PEBP4: variants seen among roughly 807,000 people sequenced by gnomAD.
PEBP4 encodes phosphatidylethanolamine binding protein 4.
A neutral mutation model predicts 23.9 loss-of-function variants in PEBP4; 22 were observed. The observed-to-expected ratio is 0.92, with a 90% CI of 0.66 to 1.31. The LOEUF is 1.31. Ranked by LOEUF, PEBP4 falls within the 40% of genes most tolerant of loss-of-function variation. PEBP4 has a pLI of 0.00. For synonymous variants in PEBP4, 112 were observed against 99.3 expected (o/e 1.13, Z -0.76); for missense variants, 324 against 281.7 (o/e 1.15, Z -1.07).
intron 4 of PEBP4, among the ~76,000 whole-genome samples, chr8:22,737,837 A>G (rs1804900537): frequency 6.6e-6 from 1 of 152,190 alleles, no homozygotes; most frequent in African/African-American, 2.4e-5. Flanking sequence ...GTGAAGGTGC[A>G]ATTAGGAAAT....
chr8:22,911,867 C>T (rs1216542071), intron 3 of PEBP4, among the ~76,000 whole-genome samples: 1 of 152,214 alleles, frequency 6.6e-6, no homozygotes, highest in Admixed American at 6.5e-5. Context: ...TCAGCGCACA[C>T]AGTTTTTTTC....
chr8:22,835,809 G>T (rs556250203), intron 3 of PEBP4, among the ~76,000 whole-genome samples: 3 of 152,188 alleles, frequency 2.0e-5, no homozygotes, highest in South Asian at 2.1e-4. Flanking sequence ...TCCTGCTTGC[G>T]CATGGCAACC....
intron 5 of PEBP4, among the ~76,000 whole-genome samples, chr8:22,726,468 T>G (rs533330577): frequency 6.6e-6 from 1 of 152,240 alleles, no homozygotes; most frequent in Non-Finnish European, 1.5e-5. Flanking sequence ...TCAAGGGAGA[T>G]AGAGACTAAT....
At position 22,926,946 on chromosome 8, in the gene PEBP4, C is replaced by T. The variant is rs570304003; in HGVS notation, c.131+638G>A. ...GGCCTGGGGAGTCCTCAGGATGACC[C>T]ACAAGTCCACACAAATGAAGGCTTG... On this transcript the variant is annotated intron_variant, in intron 2 of 6. Coordinates refer to ENST00000256404, the MANE Select transcript of PEBP4 (RefSeq NM_144962.3). Among the ~76,000 whole-genome samples, 5 of 152,186 alleles carry T rather than the reference C, an allele frequency of 3.3e-5. No individual in the cohort carries two copies. In the East Asian group the frequency reaches 7.7e-4, roughly 24 times the overall value.
At chr8:22,904,390 C>A (rs189137585) in intron 3 of PEBP4, among the ~76,000 whole-genome samples, 49 of 152,328 alleles carry the variant, frequency 3.2e-4, no homozygotes, top group African/African-American at 1.1e-3. Flanking sequence ...CAGCATTAAC[C>A]CTGCAGGGCA....
At position 22,748,864 on chromosome 8, in the gene PEBP4, G is replaced by A. The variant is rs73671276; in HGVS notation, c.358-21644C>T. On this transcript the variant is annotated intron_variant, in intron 4 of 6. Transcript: ENST00000256404. ...CACGAGTCCTGGATGATTTAGGTGC[G>A]GACTTGCCTGGGGGAAGGGTGTTGG... 4.3e-3 allele frequency among the ~76,000 whole-genome samples: 658 copies of A among 152,270 alleles called. 4 individuals are homozygous for A. The highest frequency in any genetic ancestry group is 0.015 in the African/African-American group (635 of 41,554).
chr8:22,888,136 T>C (rs967023569), intron 3 of PEBP4: 2 of 151,238 alleles, frequency 1.3e-5, no homozygotes, highest in African/African-American at 4.9e-5. Context: ...CCTAGGATGT[T>C]TGGCCAACCC....
chr8:22,857,867 AGAG>A (rs1471481101), intron 3 of PEBP4, among the ~76,000 whole-genome samples: 4 of 152,180 alleles, frequency 2.6e-5, no homozygotes, highest in African/African-American at 9.6e-5. Context: ...ATGGGGAGCA[AGAG>A]GAGAGCTGTC....
At chr8:22,724,813 G>A (rs768632029) in intron 6 of PEBP4, 30 bp downstream of exon 6, 59 of 1,546,672 alleles carry the variant, frequency 3.8e-5, no homozygotes, top group East Asian at 2.7e-4. Context: ...ATTCACCCCG[G>A]TGGTGGCTGG....
At chr8:22,896,614 G>T (rs1006335951) in intron 3 of PEBP4, among the ~76,000 whole-genome samples, 1 of 152,086 alleles carries the variant, frequency 6.6e-6, no homozygotes, top group African/African-American at 2.4e-5. Context: ...AGCAGTCCTT[G>T]GCCTCTTTAT....
chr8:22,916,467 T>C (rs909883257), intron 3 of PEBP4, among the ~76,000 whole-genome samples: 1 of 152,180 alleles, frequency 6.6e-6, no homozygotes, highest in African/African-American at 2.4e-5. Context: ...ACTTCCTCTC[T>C]TTCTCTGCCT....
At chr8:22,869,046 A>G (rs1471406027) in intron 3 of PEBP4, among the ~76,000 whole-genome samples, 3 of 152,178 alleles carry the variant, frequency 2.0e-5, no homozygotes, top group Non-Finnish European at 4.4e-5. Flanking sequence ...CATTCCAGCC[A>G]CACTGGCCTC....
chr8:22,738,134 G>A (rs1385714111), intron 4 of PEBP4, among the ~76,000 whole-genome samples: 1 of 152,242 alleles, frequency 6.6e-6, no homozygotes, highest in Admixed American at 6.5e-5. Context: ...CAGCCAGGGT[G>A]CGCAGAGCGA....
intron 4 of PEBP4, among the ~76,000 whole-genome samples, chr8:22,732,721 G>A (rs1039879533): frequency 1.9e-4 from 29 of 151,858 alleles, no homozygotes; most frequent in African/African-American, 6.8e-4. Context: ...TAGGGTACTG[G>A]GTTTATGCAT....
At chr8:22,845,656 T>C (rs2128766375) in intron 3 of PEBP4, among the ~76,000 whole-genome samples, 1 of 152,370 alleles carries the variant, frequency 6.6e-6, no homozygotes, top group Non-Finnish European at 1.5e-5. Context: ...CTCTGTGGCC[T>C]GCTGGGGGAA....
chr8:22,798,827 T>G (rs1028711340), intron 4 of PEBP4, among the ~76,000 whole-genome samples: 1 of 137,164 alleles, frequency 7.3e-6, no homozygotes, highest in Non-Finnish European at 1.5e-5. Flanking sequence ...AACCTCTGCC[T>G]CCCAGGTTCA....
intron 3 of PEBP4, among the ~76,000 whole-genome samples, chr8:22,837,076 C>T (rs1292523074): frequency 6.6e-6 from 1 of 152,198 alleles, no homozygotes; most frequent in Non-Finnish European, 1.5e-5. Flanking sequence ...AATCATCTTT[C>T]GACTCTTCCC....
At chr8:22,907,716 C>G (rs1185175225) in intron 3 of PEBP4, among the ~76,000 whole-genome samples, 1 of 152,158 alleles carries the variant, frequency 6.6e-6, no homozygotes, top group Non-Finnish European at 1.5e-5. Context: ...TGAGCAGAGG[C>G]TGAGCTGGTC....
chr8:22,907,149 G>A (rs1808833308), intron 3 of PEBP4, among the ~76,000 whole-genome samples: 2 of 152,162 alleles, frequency 1.3e-5, no homozygotes, highest in South Asian at 4.1e-4. Context: ...TATAAAGCAT[G>A]CCCCATGCAG....
Sources: allele counts gnomAD v4.1 joint callset (sites outside exome capture counted in the v4.1 genomes callset), GRCh38; gene constraint gnomAD v4.1.1; transcripts MANE v1.5; gene names NCBI Gene and HGNC (gene_info 2026-07-23, HGNC 2026-07-21).